Variants in CATSPERB observed in about 807,000 individuals in gnomAD.
CATSPERB encodes catsper channel auxiliary subunit beta.
Under a neutral mutation model 128.3 loss-of-function variants are expected in CATSPERB, and 93 were observed. The ratio of observed to expected loss-of-function variants is 0.72; its 90% CI spans 0.61 to 0.86. CATSPERB has a LOEUF of 0.86. Among genes scored for constraint, CATSPERB ranks in the 40% least tolerant of loss-of-function variants. The probability of loss-of-function intolerance (pLI) is 0.00; values close to 1 mark genes in which losing one functional copy is unlikely to be tolerated. For synonymous variants in CATSPERB, 381 were observed against 448.8 expected, an observed-to-expected ratio of 0.85 and a Z score of 1.91; for missense variants, 1,153 against 1,329.5, an observed-to-expected ratio of 0.87 and a Z score of 2.06.
chr14:91,598,147 T>G (rs1379609007), intron 22 of CATSPERB, among the ~76,000 whole-genome samples: 4 of 151,832 alleles, frequency 2.6e-5, no homozygotes, highest in Admixed American at 2.6e-4. Context: ...CTTTCTTATA[T>G]AAAATTATTT....
chr14:91,618,551 G>A (rs1893987027), intron 19 of CATSPERB, among the ~76,000 whole-genome samples: 1 of 152,210 alleles, frequency 6.6e-6, no homozygotes, highest in South Asian at 2.1e-4. Context: ...TGGCTACACT[G>A]AGTTGGTTGA....
chr14:91,674,777 G>C (rs1229798644), intron 11 of CATSPERB, among the ~76,000 whole-genome samples: 1 of 152,140 alleles, frequency 6.6e-6, no homozygotes, highest in East Asian at 1.9e-4. Flanking sequence ...ATTACCTCAA[G>C]GAGGTTAGTC....
intron 17 of CATSPERB, among the ~76,000 whole-genome samples, chr14:91,626,854 G>C (rs868067268): frequency 1.5e-4 from 23 of 152,180 alleles, no homozygotes; most frequent in Non-Finnish European, 2.6e-4. Context: ...TGCAATGACT[G>C]TTGAATACAA....
At position 91,587,477 on chromosome 14, in the gene CATSPERB, CTTTT is replaced by C. The variant is rs3029803; in HGVS notation, c.3058-205_3058-202del. Reference sequence around the variant, plus strand: ...AAGTGGAGGGATTCAATAGCTGATACTTTTTTTTTTTTTTTTTTTTTTTTTTTTA... The same window carrying C: ...AAGTGGAGGGATTCAATAGCTGATACTTTTTTTTTTTTTTTTTTTTTTTTA... On this transcript the variant is annotated intron_variant, in intron 25 of 26. Transcript: ENST00000256343. Among the ~76,000 whole-genome samples the C allele has an allele frequency of 2.6e-3, 263 of 101,526 alleles. 3 individuals are homozygous for C. The highest frequency in any genetic ancestry group is 7.5e-3 in the South Asian group (21 of 2,812). 66.6% of individuals were successfully genotyped at this position (101,526 alleles called of 152,430 possible).
intron 15 of CATSPERB, among the ~76,000 whole-genome samples, chr14:91,658,929 A>T (rs1432264495): frequency 6.6e-6 from 1 of 151,796 alleles, no homozygotes; most frequent in Admixed American, 6.6e-5. Context: ...ACAGAAATAA[A>T]TTGAGAATCA....
chr14:91,628,962 A>G (rs1566710188), intron 17 of CATSPERB, among the ~76,000 whole-genome samples: 1 of 152,208 alleles, frequency 6.6e-6, no homozygotes, highest in African/African-American at 2.4e-5. Context: ...CAGTTCAGTC[A>G]TTTTTTACAA....
chr14:91,600,508 A>G (rs1309520186), intron 22 of CATSPERB, among the ~76,000 whole-genome samples: 1 of 152,218 alleles, frequency 6.6e-6, no homozygotes, highest in East Asian at 1.9e-4. Flanking sequence ...TTGTTCTGTA[A>G]GAATTTAATG....
intron 12 of CATSPERB, among the ~76,000 whole-genome samples, chr14:91,673,924 G>A (rs1172351057): frequency 6.6e-6 from 1 of 152,018 alleles, no homozygotes; most frequent in East Asian, 1.9e-4. Flanking sequence ...CTCTTCTGAG[G>A]GATATGAGCC....
chr14:91,648,043 G>T (rs1894635417), intron 15 of CATSPERB, among the ~76,000 whole-genome samples: 2 of 152,058 alleles, frequency 1.3e-5, no homozygotes, highest in South Asian at 4.1e-4. Flanking sequence ...TGTAACTCTT[G>T]ACTATACACA....
intron 22 of CATSPERB, among the ~76,000 whole-genome samples, chr14:91,597,677 G>A (rs1312484985): frequency 7.2e-5 from 11 of 152,150 alleles, no homozygotes; most frequent in Admixed American, 3.3e-4. Flanking sequence ...GATAGTCCCC[G>A]GGCCTTGAGG....
chr14:91,693,928 C>T (rs77993153), intron 7 of CATSPERB, among the ~76,000 whole-genome samples: 36 of 152,190 alleles, frequency 2.4e-4, no homozygotes, highest in Non-Finnish European at 4.7e-4. Flanking sequence ...AAAAGAAGAG[C>T]ATTTTTATCA....
intron 10 of CATSPERB, among the ~76,000 whole-genome samples, chr14:91,688,171 G>T (rs973845539): frequency 6.6e-6 from 1 of 151,982 alleles, no homozygotes; most frequent in Non-Finnish European, 1.5e-5. Flanking sequence ...GGATAACCAG[G>T]TCATAAACTT....
intron 15 of CATSPERB, among the ~76,000 whole-genome samples, chr14:91,641,068 C>G (rs1181816625): frequency 8.1e-6 from 1 of 123,116 alleles, no homozygotes; most frequent in Non-Finnish European, 1.7e-5. Context: ...CCTTCGCCCA[C>G]TTTTTGATGG....
chr14:91,646,832 T>C, intron 15 of CATSPERB, among the ~76,000 whole-genome samples: 1 of 152,280 alleles, frequency 6.6e-6, no homozygotes, highest in Admixed American at 6.5e-5. Flanking sequence ...TATTAGAAAA[T>C]ATGATTGGAT....
chr14:91,585,726 G>A (rs751772669), intron 26 of CATSPERB, among the ~76,000 whole-genome samples: 1 of 152,108 alleles, frequency 6.6e-6, no homozygotes, highest in Non-Finnish European at 1.5e-5. Flanking sequence ...TATTGTCTTG[G>A]TTGTTGATAT....
At chr14:91,602,967 C>T (rs552721229) in intron 22 of CATSPERB, among the ~76,000 whole-genome samples, 1 of 152,198 alleles carries the variant, frequency 6.6e-6, no homozygotes, top group Admixed American at 6.5e-5. Context: ...TCTGATTTTT[C>T]ATCATCACCT....
chr14:91,633,808 T>C (rs1894318298), intron 17 of CATSPERB, among the ~76,000 whole-genome samples: 2 of 151,344 alleles, frequency 1.3e-5, no homozygotes, highest in Admixed American at 6.6e-5. Context: ...AAGAAAACTA[T>C]GAAATGCTTA....
rs929816078 is a variant in CATSPERB at position 91,672,970 on chromosome 14, G to C, written c.1025C>G (p.Pro342Arg). ...TCCTTTAAAAATGTGAGGTAAGCAG[G>C]GTACCCATTCAAGAAATGGTTCCTG... ...YSQEPFLEWV[P>R]CLPHIFKGIK... Residue 342 changes from proline to arginine, a missense_variant, in exon 13 of 27, where the codon CCC (proline) becomes CGC (arginine). Transcript: ENST00000256343. 3 of 1,590,470 alleles carry C rather than the reference G, an allele frequency of 1.9e-6. No individual in the cohort carries two copies. The highest frequency in any genetic ancestry group is 2.6e-6 in the Non-Finnish European group (3 of 1,174,700).
intron 7 of CATSPERB, among the ~76,000 whole-genome samples, chr14:91,700,674 A>G (rs535743631): frequency 6.6e-6 from 1 of 152,328 alleles, no homozygotes; most frequent in South Asian, 2.1e-4. Flanking sequence ...TGTCCTTTCC[A>G]GCAACATAGA....
Sources: gnomAD v4.1 joint callset for allele counts (sites outside exome capture counted in the v4.1 genomes callset) on GRCh38, gnomAD v4.1.1 for gene constraint, MANE v1.5 for transcripts, NCBI Gene and HGNC (gene_info 2026-07-23, HGNC 2026-07-21) for gene names.